TRERF1: variants seen among roughly 807,000 people sequenced by gnomAD.
TRERF1 encodes the protein transcriptional-regulating factor 1.
Under a neutral mutation model 122.9 loss-of-function variants are expected in TRERF1, and 27 were observed. That is an observed-to-expected ratio of 0.22 (90% CI 0.16 to 0.30). The LOEUF (loss-of-function observed/expected upper bound fraction) is 0.30. Ranked by LOEUF, TRERF1 falls within the 10% of genes least tolerant of loss-of-function variation. The pLI, the probability that TRERF1 is intolerant of heterozygous loss-of-function variation, is 1.00. For synonymous variants in TRERF1, 636 were observed against 641.7 expected (o/e 0.99, Z 0.13); for missense variants, 1,248 against 1,560.3 (o/e 0.80, Z 3.37).
Position 42,268,236 on chromosome 6 carries a change from G to C in TRERF1, c.1355C>G (p.Pro452Arg), listed in dbSNP as rs1779563239. The change falls in exon 5 of 18, where the codon CCC (proline) becomes CGC (arginine). Residue 452 changes from proline (P) to arginine (R), a missense_variant. Pro to Arg is a moderately radical substitution (Grantham distance 103). Transcript: ENST00000372922. The surrounding 1 kb of genome is among the most constrained non-coding windows in gnomAD (Gnocchi z 4.4). Reference sequence around the variant, plus strand: ...GTGGATCCCACTGGGGGATAGGAGGGGGCGATGGGGGAGGGTGCTGCTGAC... The same window carrying C: ...GTGGATCCCACTGGGGGATAGGAGGCGGCGATGGGGGAGGGTGCTGCTGAC... 4.7e-6 allele frequency: 7 copies of C among 1,497,164 alleles called. No homozygotes were observed. Among genetic ancestry groups the C allele is most frequent in the Non-Finnish European group, 4.5e-6 (5 of 1,123,548 alleles). 92.7% of individuals were successfully genotyped at this position (1,497,164 alleles called of 1,614,324 possible).
In TRERF1 at chr6:42,232,939, A is replaced by G; in HGVS notation, c.3067-47T>C. On this transcript the variant is annotated intron_variant, in intron 16 of 17. Transcript: ENST00000372922. This position sits in a 1 kb window ranked among gnomAD's most constrained non-coding sequence, Gnocchi z 4.5. The stretch of plus-strand genomic sequence containing the variant: ...ATGACATCTACAGTCCTGAAAAGGA[A>G]ATTAGGGTTATTAGTTACTCAGTGG... 1 of 1,522,166 alleles carries G rather than the reference A, an allele frequency of 6.6e-7. No individual in the cohort carries two copies. The allele number at this position is 1,522,166 out of a possible 1,614,324, so 94.3% of individuals were successfully genotyped here.
intron 2 of TRERF1, among the ~76,000 whole-genome samples, chr6:42,382,905 T>C (rs1776187625): frequency 1.3e-5 from 2 of 151,958 alleles, no homozygotes; most frequent in Non-Finnish European, 2.9e-5. Flanking sequence ...TCTCCAGACA[T>C]TGCCAAGTGC....
At chr6:42,239,610 T>C (rs1582479574) in intron 15 of TRERF1, among the ~76,000 whole-genome samples, 1 of 152,152 alleles carries the variant, frequency 6.6e-6, no homozygotes. Context: ...CACCCGCCCT[T>C]ACGTAAAACA....
chr6:42,288,659 C>T (rs1003497985), intron 4 of TRERF1, among the ~76,000 whole-genome samples: 1 of 149,878 alleles, frequency 6.7e-6, no homozygotes, highest in African/African-American at 2.5e-5. Context: ...GAGAAAGTCA[C>T]AGTGATGCTG....
intron 4 of TRERF1, among the ~76,000 whole-genome samples, chr6:42,296,640 C>T (rs758528916): frequency 2.0e-5 from 3 of 152,156 alleles, no homozygotes; most frequent in Non-Finnish European, 2.9e-5. Context: ...AGCCAAACCA[C>T]TGTGCTCTGT....
At chr6:42,246,964 C>T (rs1157085298) in intron 13 of TRERF1, among the ~76,000 whole-genome samples, 1 of 152,178 alleles carries the variant, frequency 6.6e-6, no homozygotes, top group Non-Finnish European at 1.5e-5. Flanking sequence ...AGCAAGTACC[C>T]TTCAGGGTGT....
At chr6:42,311,721 G>A (rs1003988792) in intron 3 of TRERF1, among the ~76,000 whole-genome samples, 11 of 145,740 alleles carry the variant, frequency 7.5e-5, no homozygotes, top group South Asian at 2.2e-4. Context: ...AGCCAAGATC[G>A]TGCCACTGCA....
rs1581820590 is a variant in TRERF1 at position 42,367,834 on chromosome 6, G to A, written c.-453-4755C>T. ...CAGCTGGGAGATCTTAGCACAGAAA[G>A]GGGAAGTGACACACAGAGGTCCCGC... On this transcript the variant is annotated intron_variant, in intron 2 of 17. Transcript: ENST00000372922. Among the ~76,000 whole-genome samples the A allele has an allele frequency of 2.0e-5, 3 of 152,032 alleles. No individual in the cohort carries two copies. In the East Asian group the frequency reaches 5.8e-4, roughly 29 times the overall value.
At chr6:42,327,750 G>A (rs779898859) in intron 3 of TRERF1, among the ~76,000 whole-genome samples, 5 of 152,272 alleles carry the variant, frequency 3.3e-5, no homozygotes, top group African/African-American at 1.2e-4. Flanking sequence ...AGAGAGAACA[G>A]TTGTTTTAGA....
intron 3 of TRERF1, among the ~76,000 whole-genome samples, chr6:42,358,409 G>C (rs548685419): frequency 2.6e-5 from 4 of 152,316 alleles, no homozygotes; most frequent in South Asian, 4.1e-4. Context: ...TATGACTCTA[G>C]AGAACTCTTA....
At chr6:42,260,928 G>A (rs1453233887) in intron 8 of TRERF1, among the ~76,000 whole-genome samples, 1 of 151,114 alleles carries the variant, frequency 6.6e-6, no homozygotes, top group East Asian at 1.9e-4. Flanking sequence ...CTGGCCTCTA[G>A]GAGAGGAGTC....
intron 3 of TRERF1, among the ~76,000 whole-genome samples, chr6:42,307,248 G>T (rs1243600276): frequency 6.6e-6 from 1 of 152,156 alleles, no homozygotes; most frequent in Non-Finnish European, 1.5e-5. Context: ...AACCCTCATT[G>T]TTAAAGAGGA....
chr6:42,302,373 AGT>A (rs1180827650), intron 3 of TRERF1, among the ~76,000 whole-genome samples: 1 of 152,256 alleles, frequency 6.6e-6, no homozygotes, highest in Admixed American at 6.5e-5. Context: ...TTTAAGAGAA[AGT>A]GCTCATTCTT....
intron 2 of TRERF1, among the ~76,000 whole-genome samples, chr6:42,408,876 A>T (rs955005932): frequency 6.6e-6 from 1 of 152,164 alleles, no homozygotes; most frequent in Non-Finnish European, 1.5e-5. Flanking sequence ...ATAACATATG[A>T]TGTGAGATAT....
In TRERF1 at chr6:42,259,831, G is replaced by T; in HGVS notation, c.1885-108C>A. The T allele has an allele frequency of 6.8e-7, 1 of 1,479,622 alleles. No homozygotes were observed. Among genetic ancestry groups the T allele is most frequent in the Non-Finnish European group, 9.0e-7 (1 of 1,105,032 alleles). The allele number at this position is 1,479,622 out of a possible 1,614,324, so 91.7% of individuals were successfully genotyped here. A position where few individuals can be genotyped will look rare whatever the true frequency, so the allele number is the denominator to read the frequency against. On this transcript the variant is annotated intron_variant, in intron 8 of 17. Coordinates refer to ENST00000372922, the Ensembl canonical transcript of TRERF1. The surrounding 1 kb of genome is among the most constrained non-coding windows in gnomAD (Gnocchi z 4.9). ...TACTGTCTAAGCAGAGAGCCCTTCTGCTTGACCCCCCCACCCCCAACGCCC... is the reference window on the plus strand; with the variant it reads ...TACTGTCTAAGCAGAGAGCCCTTCTTCTTGACCCCCCCACCCCCAACGCCC...
At chr6:42,357,921 A>G (rs1483648502) in intron 3 of TRERF1, among the ~76,000 whole-genome samples, 1 of 152,208 alleles carries the variant, frequency 6.6e-6, no homozygotes, top group African/African-American at 2.4e-5. Context: ...AAAAAGTCAC[A>G]CTATTTTGGC....
At chr6:42,240,834 A>T (rs1773516397) in intron 15 of TRERF1, among the ~76,000 whole-genome samples, 1 of 152,124 alleles carries the variant, frequency 6.6e-6, no homozygotes, top group Non-Finnish European at 1.5e-5. Flanking sequence ...TGCTGTTTAC[A>T]TTGTGGGAGT....
At chr6:42,446,566 T>G (rs925296623) in intron 2 of TRERF1, among the ~76,000 whole-genome samples, 14 of 152,192 alleles carry the variant, frequency 9.2e-5, no homozygotes, top group African/African-American at 3.4e-4. Flanking sequence ...GGTAGGGGTA[T>G]GGGTAGAGGG....
intron 17 of TRERF1, among the ~76,000 whole-genome samples, chr6:42,230,925 G>A (rs1051043189): frequency 2.0e-5 from 3 of 152,208 alleles, no homozygotes; most frequent in Non-Finnish European, 2.9e-5. Context: ...GCTGTGAACT[G>A]CAACAGGGGC....
Sources: allele counts gnomAD v4.1 joint callset (sites outside exome capture counted in the v4.1 genomes callset), GRCh38; gene constraint gnomAD v4.1.1; non-coding constraint Gnocchi (gnomAD v3.1); transcripts MANE v1.5; gene names NCBI Gene and HGNC (gene_info 2026-07-23, HGNC 2026-07-21).